Variants in CACNA1C observed in about 807,000 individuals in gnomAD.
CACNA1C encodes the protein voltage-dependent L-type calcium channel subunit alpha-1C.
CACNA1C carries 30 observed loss-of-function variants against 229.0 expected under a neutral mutation model. The observed-to-expected ratio is 0.13, with a 90% CI of 0.10 to 0.18. The LOEUF is 0.18. Ranked by LOEUF, CACNA1C falls within the 10% of genes least tolerant of loss-of-function variation. The pLI is 1.00. For missense variants in CACNA1C, 1,658 were observed against 2,845.0 expected (o/e 0.58, Z 9.49); for synonymous variants, 1,114 against 1,132.5 (o/e 0.98, Z 0.33).
chr12:2,545,093 T>C (rs1401796894), intron 9 of CACNA1C, among the ~76,000 whole-genome samples: 1 of 152,236 alleles, frequency 6.6e-6, no homozygotes, highest in East Asian at 1.9e-4. Context: ...ATCCAACCCC[T>C]GAGCTGGTCG....
In CACNA1C at chr12:2,557,659, G is replaced by A. The variant is rs866543134; in HGVS notation, c.1508+682G>A. ...CAGACCCTCAGATGTGACTGCTTCCGTGTTACTGCTTTCTCTGCCATTTCA... is the reference window on the plus strand; with the variant it reads ...CAGACCCTCAGATGTGACTGCTTCCATGTTACTGCTTTCTCTGCCATTTCA... On this transcript the variant is annotated intron_variant, in intron 11 of 46. Coordinates refer to ENST00000399655, the MANE Select transcript of CACNA1C (RefSeq NM_000719.7). Among the ~76,000 whole-genome samples the A allele has an allele frequency of 3.9e-5, 6 of 152,302 alleles. No individual in the cohort carries two copies. The East Asian group carries it at 7.7e-4, about 20-fold the overall frequency.
intron 29 of CACNA1C, among the ~76,000 whole-genome samples, chr12:2,631,500 A>G (rs998400520): frequency 1.7e-4 from 26 of 152,282 alleles, no homozygotes; most frequent in Admixed American, 5.2e-4. Context: ...GCTGTAGTTC[A>G]TCTGGGGTCT....
chr12:2,481,241 G>A (rs767080030), intron 5 of CACNA1C, among the ~76,000 whole-genome samples: 3 of 152,122 alleles, frequency 2.0e-5, no homozygotes, highest in Non-Finnish European at 4.4e-5. Context: ...CAGTCATGGT[G>A]GACAATATGG....
At chr12:2,483,170 G>C (rs2099683232) in intron 5 of CACNA1C, among the ~76,000 whole-genome samples, 1 of 152,218 alleles carries the variant, frequency 6.6e-6, no homozygotes, top group African/African-American at 2.4e-5. Flanking sequence ...CGTGCGCTGG[G>C]ATTGGAGGCA....
At chr12:2,572,246 T>C (rs931296268) in intron 13 of CACNA1C, among the ~76,000 whole-genome samples, 4 of 151,984 alleles carry the variant, frequency 2.6e-5, no homozygotes, top group Non-Finnish European at 4.4e-5. Flanking sequence ...TGGTCTGCTT[T>C]CTTCTCCTAA....
Position 2,185,842 on chromosome 12 carries a change from C to T in CACNA1C, c.477+65412C>T, listed in dbSNP as rs191458751. 3.4e-4 allele frequency among the ~76,000 whole-genome samples: 52 copies of T among 152,296 alleles called. 2 individuals carry two copies. The highest frequency in any genetic ancestry group is 3.2e-3 in the Admixed American group (49 of 15,306). ...GGAGTGTCACTCACCCTTCCTCCTGCACCACGTGTCTTTGCCCGGTGGGCT... is the reference window on the plus strand; with the variant it reads ...GGAGTGTCACTCACCCTTCCTCCTGTACCACGTGTCTTTGCCCGGTGGGCT... On this transcript the variant is annotated intron_variant, in intron 3 of 46. Coordinates refer to ENST00000399655, the MANE Select transcript of CACNA1C (RefSeq NM_000719.7).
chr12:2,009,924 C>T (rs940527186), intron 1 of CACNA1C, among the ~76,000 whole-genome samples: 2 of 151,960 alleles, frequency 1.3e-5, no homozygotes, highest in Non-Finnish European at 2.9e-5. Context: ...TAAATGAGAT[C>T]AAGTGAGAAA....
chr12:2,543,136 A>G (rs2099875450), intron 9 of CACNA1C, among the ~76,000 whole-genome samples: 1 of 152,214 alleles, frequency 6.6e-6, no homozygotes, highest in Non-Finnish European at 1.5e-5. Context: ...TTTGGTCCAT[A>G]GCACCTGGTA....
intron 3 of CACNA1C, among the ~76,000 whole-genome samples, chr12:2,447,450 T>C (rs529091691): frequency 6.2e-4 from 94 of 152,266 alleles, no homozygotes; most frequent in African/African-American, 2.1e-3. Flanking sequence ...TCCGGGTACC[T>C]CAGAAACACC....
intron 38 of CACNA1C, among the ~76,000 whole-genome samples, chr12:2,673,465 TA>T (rs527320564): frequency 0.083 from 8,331 of 100,666 alleles, 552 homozygotes; most frequent in African/African-American, 0.21. Flanking sequence ...AACTTCCGTC[TA>T]AAAAAAAAAA....
intron 3 of CACNA1C, among the ~76,000 whole-genome samples, chr12:2,430,214 C>T (rs1349771656): frequency 6.6e-6 from 1 of 152,160 alleles, no homozygotes; most frequent in Non-Finnish European, 1.5e-5. Flanking sequence ...GGCCCCACCT[C>T]CTAATACCTT....
chr12:2,318,280 T>C (rs568772251), intron 3 of CACNA1C, among the ~76,000 whole-genome samples: 1 of 152,178 alleles, frequency 6.6e-6, no homozygotes, highest in Admixed American at 6.5e-5. Context: ...AGCTGTGGAG[T>C]GTAATTACAG....
intron 3 of CACNA1C, among the ~76,000 whole-genome samples, chr12:2,382,839 C>T (rs542953994): frequency 9.2e-5 from 14 of 152,232 alleles, no homozygotes; most frequent in South Asian, 6.2e-4. Context: ...AGAGCTCATC[C>T]GAGATCTTGA....
chr12:2,071,168 C>CCCTT lies in CACNA1C; in HGVS notation c.49+17560_49+17561insTCCT, dbSNP rs1555115703. On this transcript the variant is annotated intron_variant, in intron 1 of 46. Transcript: ENST00000399655. The stretch of plus-strand genomic sequence containing the variant: ...TCCCTCCCTCCCTCCCTCCCTCCCT[C>CCCTT]CCTCCCTGCCTGCCTGCCTGCCTGC... 1.2e-3 allele frequency among the ~76,000 whole-genome samples: 15 copies of CCCTT among 12,562 alleles called. 1 individual carries two copies. The highest frequency in any genetic ancestry group is 4.3e-3 in the African/African-American group (10 of 2,316). The allele number at this position is 12,562 out of a possible 152,430, so 8.2% of individuals were successfully genotyped here. A position where few individuals can be genotyped will look rare whatever the true frequency, so the allele number is the denominator to read the frequency against.
intron 3 of CACNA1C, among the ~76,000 whole-genome samples, chr12:2,446,358 G>A (rs868065846): frequency 6.9e-6 from 1 of 144,996 alleles, no homozygotes; most frequent in Non-Finnish European, 1.5e-5. Context: ...GTATGTATGT[G>A]TGTGGGTGGG....
chr12:1,979,453 A>G (rs552544343), intron 1 of CACNA1C, among the ~76,000 whole-genome samples: 1 of 151,844 alleles, frequency 6.6e-6, no homozygotes, highest in Non-Finnish European at 1.5e-5. Flanking sequence ...CTGGGATCAC[A>G]GGGGCCTGCC....
intron 3 of CACNA1C, among the ~76,000 whole-genome samples, chr12:2,355,366 C>G (rs373558340): frequency 6.6e-6 from 1 of 150,894 alleles, no homozygotes; most frequent in Non-Finnish European, 1.5e-5. Context: ...CTCCCACCCC[C>G]CCACATTTCC....
intron 3 of CACNA1C, among the ~76,000 whole-genome samples, chr12:2,337,082 G>A (rs2096719341): frequency 6.6e-6 from 1 of 152,198 alleles, no homozygotes; most frequent in African/African-American, 2.4e-5. Flanking sequence ...CTAGGTACTA[G>A]GGGACTGGTT....
chr12:2,439,946 G>C (rs552418567), intron 3 of CACNA1C, among the ~76,000 whole-genome samples: 1 of 152,094 alleles, frequency 6.6e-6, no homozygotes, highest in African/African-American at 2.4e-5. Flanking sequence ...GGCTGCTGCA[G>C]AAGACCCCCG....
Sources: gnomAD v4.1 joint callset for allele counts (sites outside exome capture counted in the v4.1 genomes callset) on GRCh38, gnomAD v4.1.1 for gene constraint, MANE v1.5 for transcripts, NCBI Gene and HGNC (gene_info 2026-07-23, HGNC 2026-07-21) for gene names.